The following GALNT1 variants were observed in gnomAD, a reference collection of about 807,000 sequenced individuals.
The protein encoded by GALNT1 is polypeptide N-acetylgalactosaminyltransferase 1.
In GALNT1, 17 loss-of-function variants were observed where a neutral mutation model predicts 65.7. That is an observed-to-expected ratio of 0.26 (90% CI 0.18 to 0.39). The LOEUF is 0.39. Ranked by LOEUF, GALNT1 falls within the 10% of genes least tolerant of loss-of-function variation. The probability of loss-of-function intolerance (pLI) is 1.00; values close to 1 mark genes in which losing one functional copy is unlikely to be tolerated. For missense variants in GALNT1, 460 were observed against 672.8 expected (o/e 0.68, Z 3.50); for synonymous variants, 210 against 219.7 (o/e 0.96, Z 0.39).
intron 4 of GALNT1, among the ~76,000 whole-genome samples, chr18:35,678,872 T>G (rs1223023438): frequency 1.3e-5 from 2 of 152,208 alleles, no homozygotes; most frequent in East Asian, 3.8e-4. Flanking sequence ...AAATATCAAT[T>G]ATTTGGAGTA....
chr18:35,587,039 C>T (rs2046385777), intron 1 of GALNT1, among the ~76,000 whole-genome samples: 1 of 152,074 alleles, frequency 6.6e-6, no homozygotes, highest in Non-Finnish European at 1.5e-5. Context: ...CATGCAAGTC[C>T]TGTACATATG....
At chr18:35,629,034 A>G (rs1395582508) in intron 1 of GALNT1, among the ~76,000 whole-genome samples, 1 of 152,222 alleles carries the variant, frequency 6.6e-6, no homozygotes, top group Non-Finnish European at 1.5e-5. Context: ...ATAAAAAGAA[A>G]TGAACAAAGC....
intron 2 of GALNT1, 40 bp downstream of exon 2, chr18:35,654,841 A>G (rs1199113532): frequency 2.1e-6 from 3 of 1,424,320 alleles, no homozygotes; most frequent in Non-Finnish European, 2.8e-6. Flanking sequence ...TAACTACTAT[A>G]TCACTGGTTT....
chr18:35,632,216 A>C (rs2144207943), intron 1 of GALNT1, among the ~76,000 whole-genome samples: 1 of 152,318 alleles, frequency 6.6e-6, no homozygotes. Flanking sequence ...GTTCATATGG[A>C]GCCAAAAAAG....
intron 4 of GALNT1, among the ~76,000 whole-genome samples, chr18:35,681,487 A>T (rs1019787615): frequency 1.3e-5 from 2 of 148,522 alleles, no homozygotes; most frequent in Non-Finnish European, 3.0e-5. Flanking sequence ...AGAATCATGC[A>T]TTTTTTTTTT....
At position 35,604,877 on chromosome 18, in the gene GALNT1, C is replaced by T. The variant is rs138931713; in HGVS notation, c.-104+23015C>T. 1.6e-4 allele frequency among the ~76,000 whole-genome samples: 25 copies of T among 152,166 alleles called. No homozygotes were observed. In the East Asian group the frequency reaches 2.1e-3, roughly 13 times the overall value. On this transcript the variant is annotated intron_variant, in intron 1 of 11. Coordinates refer to ENST00000269195, the MANE Select transcript of GALNT1 (RefSeq NM_020474.4). ...CCTCAATCTGGCATGTTAGAAACTG[C>T]GTAAATTAGGACTCAGAGGACCACC...
At position 35,634,785 on chromosome 18, in the gene GALNT1, T is replaced by C. The variant is rs2047067788; in HGVS notation, c.-103-19775T>C. Among the ~76,000 whole-genome samples, 5 of 152,194 alleles carry C rather than the reference T, an allele frequency of 3.3e-5. No individual in the cohort carries two copies. In the South Asian group the frequency reaches 1.0e-3, roughly 32 times the overall value. On this transcript the variant is annotated intron_variant, in intron 1 of 11. Transcript: ENST00000269195. The stretch of plus-strand genomic sequence containing the variant: ...GGCACAGTGAATCACGCTTATCATT[T>C]AGGAAAAGTTTTATATCAATGTAGG...
chr18:35,677,207 T>C (rs1389157173), intron 3 of GALNT1, among the ~76,000 whole-genome samples: 1 of 152,222 alleles, frequency 6.6e-6, no homozygotes, highest in Non-Finnish European at 1.5e-5. Flanking sequence ...TATATTTTTG[T>C]TTAGATTATT....
intron 1 of GALNT1, among the ~76,000 whole-genome samples, chr18:35,606,821 TTGTGTGTGTGTGTGTGTGTGTGTG>T (rs10526510): frequency 5.9e-4 from 80 of 135,674 alleles, no homozygotes; most frequent in Admixed American, 1.9e-3. Context: ...TGTTGATGTT[TTGTGTGTGTGTGTGTGTGTGTGTG>T]TGTGTGTGTG....
intron 1 of GALNT1, among the ~76,000 whole-genome samples, chr18:35,623,129 A>G (rs555820297): frequency 6.6e-6 from 1 of 152,236 alleles, no homozygotes; most frequent in South Asian, 2.1e-4. Context: ...ATATTTATTC[A>G]TATATTTACC....
chr18:35,596,006 G>A (rs1197680843), intron 1 of GALNT1: 1 of 152,134 alleles, frequency 6.6e-6, no homozygotes, highest in African/African-American at 2.4e-5. Flanking sequence ...GGAAGGAGGT[G>A]GGGAATGTGT....
At chr18:35,692,722 A>T (rs905674221) in intron 9 of GALNT1, among the ~76,000 whole-genome samples, 1 of 152,196 alleles carries the variant, frequency 6.6e-6, no homozygotes, top group African/African-American at 2.4e-5. Flanking sequence ...TTTAGAAAAA[A>T]ATATGAAGCC....
intron 3 of GALNT1, among the ~76,000 whole-genome samples, chr18:35,669,953 T>G (rs550140864): frequency 6.6e-6 from 1 of 152,310 alleles, no homozygotes; most frequent in South Asian, 2.1e-4. Flanking sequence ...TTGACATGAT[T>G]GTGTATAACA....
At chr18:35,692,352 G>A in intron 9 of GALNT1, 32 bp downstream of exon 9, 1 of 1,309,246 alleles carries the variant, frequency 7.6e-7, no homozygotes, top group African/African-American at 1.6e-5. Flanking sequence ...ATTCTATGTG[G>A]TTATTATGTT....
At chr18:35,622,727 CTTG>C (rs1187856232) in intron 1 of GALNT1, among the ~76,000 whole-genome samples, 2 of 149,668 alleles carry the variant, frequency 1.3e-5, no homozygotes, top group East Asian at 1.9e-4. Context: ...TTTTTTCCTT[CTTG>C]TTGTACTGCG....
chr18:35,675,289 G>T (rs2047695195), intron 3 of GALNT1, among the ~76,000 whole-genome samples: 1 of 152,130 alleles, frequency 6.6e-6, no homozygotes, highest in South Asian at 2.1e-4. Flanking sequence ...CTGTTCTGAG[G>T]TTAATTATGG....
At chr18:35,648,688 T>C (rs1298762133) in intron 1 of GALNT1, among the ~76,000 whole-genome samples, 1 of 152,234 alleles carries the variant, frequency 6.6e-6, no homozygotes, top group East Asian at 1.9e-4. Context: ...TTTGTAAAAC[T>C]GGCATTGTTT....
At chr18:35,702,699 C>A in intron 9 of GALNT1, 198 bp from the exon 10 acceptor site, 1 of 356,980 alleles carries the variant, frequency 2.8e-6, no homozygotes, top group Non-Finnish European at 5.1e-6. Flanking sequence ...CCCCCATAAA[C>A]ACAGAAAATT....
chr18:35,581,582 A>AGC (rs1555644073), upstream of GALNT1, among the ~76,000 whole-genome samples: 4,960 of 137,408 alleles, frequency 0.036, 147 homozygotes, highest in Middle Eastern at 0.063. Context: ...GTGAGCGGGC[A>AGC]GGCGGCGCGC....
Sources: gnomAD v4.1 joint callset for allele counts (sites outside exome capture counted in the v4.1 genomes callset) on GRCh38, gnomAD v4.1.1 for gene constraint, MANE v1.5 for transcripts, NCBI Gene and HGNC (gene_info 2026-07-23, HGNC 2026-07-21) for gene names.